SYT7: variants seen among roughly 807,000 people sequenced by gnomAD.
The protein encoded by SYT7 is synaptotagmin 7, also known as synaptotagmin-7.
In SYT7, 29 loss-of-function variants were observed where a neutral mutation model predicts 75.1. The observed-to-expected ratio is 0.39, with a 90% confidence interval of 0.29 to 0.53. The LOEUF (loss-of-function observed/expected upper bound fraction) is 0.53. SYT7 is among the 20% of genes least tolerant of loss of function. SYT7 has a pLI of 0.77. For missense variants in SYT7, 693 were observed against 953.2 expected (o/e 0.73, Z 3.59); for synonymous variants, 376 against 401.7 (o/e 0.94, Z 0.76).
chr11:61,543,740 C>G (rs910459709), intron 5 of SYT7, among the ~76,000 whole-genome samples: 44 of 152,356 alleles, frequency 2.9e-4, no homozygotes, highest in African/African-American at 8.7e-4. Flanking sequence ...AAGTCCCTGG[C>G]CTCCCCTGGA....
intron 7 of SYT7, among the ~76,000 whole-genome samples, chr11:61,535,735 C>T (rs986797565): frequency 1.1e-4 from 16 of 152,186 alleles, no homozygotes; most frequent in African/African-American, 3.9e-4. Flanking sequence ...ACGCTGTCTC[C>T]CATGAGCCTG....
Position 61,557,318 on chromosome 11 carries a change from T to C in SYT7, c.32-1111A>G, listed in dbSNP as rs1474538049. Among the ~76,000 whole-genome samples the C allele has an allele frequency of 4.6e-5, 7 of 152,358 alleles. No individual in the cohort carries two copies. In the East Asian group the frequency reaches 7.7e-4, roughly 17 times the overall value. On this transcript the variant is annotated intron_variant, in intron 1 of 12. Coordinates refer to ENST00000539008, the MANE Select transcript of SYT7 (RefSeq NM_001365809.2). ...TTACAGAGGAGCCTGCGTGGGCTTTTTGGTGCCAGTGATCATGGTAATTAA... is the reference window on the plus strand; with the variant it reads ...TTACAGAGGAGCCTGCGTGGGCTTTCTGGTGCCAGTGATCATGGTAATTAA...
At chr11:61,538,101 C>T (rs1208247155) in intron 7 of SYT7, 43 bp downstream of exon 7, 1 of 1,533,390 alleles carries the variant, frequency 6.5e-7, no homozygotes, top group Non-Finnish European at 8.7e-7. Context: ...TCCGCGCCTC[C>T]TTCTCTGCCG....
rs2063364852 is a variant in SYT7 at position 61,551,958 on chromosome 11, C to T, written c.136-495G>A. Among the ~76,000 whole-genome samples the T allele has an allele frequency of 2.0e-5, 3 of 152,096 alleles. No individual in the cohort carries two copies. The South Asian group carries it at 6.2e-4, about 32-fold the overall frequency. ...CAGTCCTGCTCGGGGCTGTGTCCAC[C>T]ACTGTCTGGGGGTTCTCTGGGGGGT... On this transcript the variant is annotated intron_variant, in intron 2 of 12. Coordinates refer to ENST00000539008, the MANE Select transcript of SYT7 (RefSeq NM_001365809.2). This position sits in a 1 kb window ranked among gnomAD's most constrained non-coding sequence, Gnocchi z 5.3.
chr11:61,523,381 TC>T lies in SYT7; in HGVS notation c.1757-108del. The T allele has an allele frequency of 8.9e-7, 1 of 1,119,066 alleles. No individual in the cohort carries two copies. Among genetic ancestry groups the T allele is most frequent in the Non-Finnish European group, 1.3e-6 (1 of 755,698 alleles). The allele number at this position is 1,119,066 out of a possible 1,614,324, so 69.3% of individuals were successfully genotyped here. A position where few individuals can be genotyped will look rare whatever the true frequency, so the allele number is the denominator to read the frequency against. ...GCTGAGGCAGGAGGGCCGTGTGCTT[TC>T]CCCAGAGGCAAGGAAAGACCCAGGC... is the stretch of plus-strand genomic sequence containing the variant. On this transcript the variant is annotated intron_variant, in intron 11 of 12. Transcript: ENST00000539008. This position sits in a 1 kb window ranked among gnomAD's most constrained non-coding sequence, Gnocchi z 5.0.
chr11:61,516,986 A>G lies in SYT7; in HGVS notation c.*1641T>C, dbSNP rs562655012. 2.0e-5 allele frequency: 7 copies of G among 342,240 alleles called. No individual in the cohort carries two copies. The highest frequency in any genetic ancestry group is 3.7e-5 in the Non-Finnish European group (7 of 190,870). The allele number at this position is 342,240 out of a possible 1,614,324, so 21.2% of individuals were successfully genotyped here. A position where few individuals can be genotyped will look rare whatever the true frequency, so the allele number is the denominator to read the frequency against. On this transcript the variant is annotated 3_prime_UTR_variant, in exon 13 of 13. Coordinates refer to ENST00000539008, the MANE Select transcript of SYT7 (RefSeq NM_001365809.2). This position sits in a 1 kb window ranked among gnomAD's most constrained non-coding sequence, Gnocchi z 4.6. ...GTTCCCAAATGCCAATGGTCTCCCC[A>G]CGCCCTGGATGTGGGGACCCTATCC...
chr11:61,527,215 G>A (rs1353678777), intron 9 of SYT7, among the ~76,000 whole-genome samples: 1 of 152,232 alleles, frequency 6.6e-6, no homozygotes, highest in Non-Finnish European at 1.5e-5. Flanking sequence ...CCATGCGGGG[G>A]AGGGGGTCAG....
rs756064737 is a variant in SYT7, at chr11:61,523,823, G to T, written c.1756+4C>A. The T allele has an allele frequency of 1.2e-6, 2 of 1,613,508 alleles. No individual in the cohort carries two copies. The highest frequency in any genetic ancestry group is 1.7e-6 in the Non-Finnish European group (2 of 1,179,566). ...GCCCATCCTCTGCTGGAGAAGCCCC[G>T]TACCTGATGTGCCCCCGATGTCCAT... On this transcript the variant is annotated splice_donor_region_variant and intron_variant, in intron 11 of 12. Transcript: ENST00000539008. This position sits in a 1 kb window ranked among gnomAD's most constrained non-coding sequence, Gnocchi z 5.0.
chr11:61,578,001 G>A (rs1222470974), intron 1 of SYT7, among the ~76,000 whole-genome samples: 3 of 152,198 alleles, frequency 2.0e-5, no homozygotes, highest in Non-Finnish European at 4.4e-5. Context: ...TGAACCAGAG[G>A]GTGAAGGCTG....
At chr11:61,565,401 G>A (rs1276479794) in intron 1 of SYT7, among the ~76,000 whole-genome samples, 1 of 152,154 alleles carries the variant, frequency 6.6e-6, no homozygotes, top group Non-Finnish European at 1.5e-5. Flanking sequence ...GAAAGAGGCA[G>A]AGTTGGGGAT....
rs1819039182 is a variant in SYT7 at position 61,517,656 on chromosome 11, T to C, written c.*971A>G. 2 of 398,392 alleles carry C rather than the reference T, an allele frequency of 5.0e-6. No individual in the cohort carries two copies. The highest frequency in any genetic ancestry group is 8.8e-6 in the Non-Finnish European group (2 of 226,228). The allele number at this position is 398,392 out of a possible 1,614,324, so 24.7% of individuals were successfully genotyped here. A position where few individuals can be genotyped will look rare whatever the true frequency, so the allele number is the denominator to read the frequency against. ...GTGTGGGAAGCTGGCGGGGGGTCTT[T>C]TGATGAAGGAGTTAGGGCAAAGCTA... On this transcript the variant is annotated 3_prime_UTR_variant, in exon 13 of 13. Coordinates refer to ENST00000539008, the MANE Select transcript of SYT7 (RefSeq NM_001365809.2).
chr11:61,573,186 ATGCCT>A (rs1432610678), intron 1 of SYT7, among the ~76,000 whole-genome samples: 4 of 152,126 alleles, frequency 2.6e-5, no homozygotes, highest in Non-Finnish European at 5.9e-5. Context: ...CCTGGCCCTG[ATGCCT>A]GGGGGGGTTA....
rs2064085052 is a variant in SYT7 at position 61,576,569 on chromosome 11, C to T, written c.31+4221G>A. On this transcript the variant is annotated intron_variant, in intron 1 of 12. Coordinates refer to ENST00000539008, the MANE Select transcript of SYT7 (RefSeq NM_001365809.2). This position sits in a 1 kb window ranked among gnomAD's most constrained non-coding sequence, Gnocchi z 4.1. ...CATCAGCTCCGGACTGGGCCTCCCGCCCCCACGTGACCCCTCCCAGCTCTT... is the reference window on the plus strand; with the variant it reads ...CATCAGCTCCGGACTGGGCCTCCCGTCCCCACGTGACCCCTCCCAGCTCTT... Among the ~76,000 whole-genome samples the T allele has an allele frequency of 6.6e-6, 1 of 152,324 alleles. No homozygotes were observed. The highest frequency in any genetic ancestry group is 2.1e-4 in the South Asian group (1 of 4,830).
intron 1 of SYT7, among the ~76,000 whole-genome samples, chr11:61,558,291 T>C (rs1396007885): frequency 6.6e-6 from 1 of 151,862 alleles, no homozygotes; most frequent in South Asian, 2.1e-4. Flanking sequence ...CTACTAAAAA[T>C]ACAAAAAATT....
Position 61,523,080 on chromosome 11 carries a change from C to T in SYT7, c.1951G>A (p.Gly651Ser). 1 of 1,614,104 alleles carries T rather than the reference C, an allele frequency of 6.2e-7. No individual in the cohort carries two copies. Among genetic ancestry groups the T allele is most frequent in the Non-Finnish European group, 8.5e-7 (1 of 1,180,040 alleles). Residue 651 changes from glycine (G) to serine (S), a missense_variant, in exon 12 of 13, where the codon GGC (glycine) becomes AGC (serine). Coordinates refer to ENST00000539008, the MANE Select transcript of SYT7 (RefSeq NM_001365809.2). The surrounding 1 kb of genome is among the most constrained non-coding windows in gnomAD (Gnocchi z 5.0). ...ACCACCTGCCTCGCCCCTACCTTGC[C>T]GATGACGTCATTGCGGCTGAGCTTG... The part of the protein sequence containing the change: ...KDKLSRNDVI[G>S]KIYLSWKSGP...
chr11:61,550,372 G>T (rs1447226837), intron 3 of SYT7, among the ~76,000 whole-genome samples: 2 of 152,204 alleles, frequency 1.3e-5, no homozygotes, highest in Non-Finnish European at 2.9e-5. Context: ...AAATAGGAAA[G>T]GGAAGGGAAC....
rs559736331 is a variant in SYT7 at position 61,552,163 on chromosome 11, T to C, written c.136-700A>G. ...CAGGGCAGCGGGTGGGTACCCCAGGTCCTCCAGCTAAAGGAAGGGCCGTGG... is the reference window on the plus strand; with the variant it reads ...CAGGGCAGCGGGTGGGTACCCCAGGCCCTCCAGCTAAAGGAAGGGCCGTGG... On this transcript the variant is annotated intron_variant, in intron 2 of 12. Transcript: ENST00000539008. Among the ~76,000 whole-genome samples, 22 of 152,000 alleles carry C rather than the reference T, an allele frequency of 1.4e-4. No homozygotes were observed. In the South Asian group the frequency reaches 4.6e-3, roughly 32 times the overall value.
chr11:61,546,282 C>A lies in SYT7; in HGVS notation c.348-27G>T. 7.1e-7 allele frequency: 1 copy of A among 1,405,748 alleles called. No homozygotes were observed. The highest frequency in any genetic ancestry group is 9.2e-7 in the Non-Finnish European group (1 of 1,085,590). 87.1% of individuals were successfully genotyped at this position (1,405,748 alleles called of 1,614,324 possible). On this transcript the variant is annotated intron_variant, in intron 4 of 12. Coordinates refer to ENST00000539008, the MANE Select transcript of SYT7 (RefSeq NM_001365809.2). This position sits in a 1 kb window ranked among gnomAD's most constrained non-coding sequence, Gnocchi z 7.6. ...TGGAGGCATGCACGAGGCAGCCAGG[C>A]CAGAGGGGCACCGGGGGTGGCGGTG...
At chr11:61,558,140 C>T (rs879404787) in intron 1 of SYT7, among the ~76,000 whole-genome samples, 22 of 152,202 alleles carry the variant, frequency 1.4e-4, no homozygotes, top group Non-Finnish European at 2.5e-4. Flanking sequence ...TTACGCTGAG[C>T]TTTCCTCGGC....
Sources: allele counts gnomAD v4.1 joint callset (sites outside exome capture counted in the v4.1 genomes callset), GRCh38; gene constraint gnomAD v4.1.1; non-coding constraint Gnocchi (gnomAD v3.1); transcripts MANE v1.5; gene names NCBI Gene and HGNC (gene_info 2026-07-23, HGNC 2026-07-21).